The following ATP6AP2 variants were observed in gnomAD, a reference collection of about 807,000 sequenced individuals.
ATP6AP2 encodes ATPase H+ transporting accessory protein 2, also known as renin receptor.
A neutral mutation model predicts 23.4 loss-of-function variants in ATP6AP2; 1 was observed. The observed-to-expected ratio is 0.04, with a 90% CI of 0.02 to 0.20. ATP6AP2 has a LOEUF of 0.20. Ranked by LOEUF, ATP6AP2 falls within the 10% of genes least tolerant of loss-of-function variation. The pLI is 1.00. For synonymous variants in ATP6AP2, 90 were observed against 97.1 expected, an observed-to-expected ratio of 0.93 and a Z score of 0.43; for missense variants, 174 against 271.3, an observed-to-expected ratio of 0.64 and a Z score of 2.52.
At position 40,605,804 on chromosome X, in the gene ATP6AP2, T is replaced by G; in HGVS notation, c.*49T>G. 9.6e-7 allele frequency: 1 copy of G among 1,044,125 alleles called. No individual in the cohort carries two copies. Among genetic ancestry groups the G allele is most frequent in the African/African-American group, 1.8e-5 (1 of 54,391 alleles). The allele number at this position is 1,044,125 out of a possible 1,213,427, so 86.0% of individuals were successfully genotyped here. ...AAAGGGGGTTGGAAATTGGCTGTTTTGTTAAAATATATCTTTTAGTGTGCT... is the reference window on the plus strand; with the variant it reads ...AAAGGGGGTTGGAAATTGGCTGTTTGGTTAAAATATATCTTTTAGTGTGCT... On this transcript the variant is annotated 3_prime_UTR_variant, in exon 9 of 9. Transcript: ENST00000636580.
At chrX:40,600,547 T>G (rs920691383) in intron 7 of ATP6AP2, 77 of 301,145 alleles carry the variant, frequency 2.6e-4, no homozygotes, top group Admixed American at 6.9e-4. Flanking sequence ...TTAAAAATAA[T>G]TTTAATAAGT....
intron 3 of ATP6AP2, among the ~76,000 whole-genome samples, chrX:40,594,392 A>G (rs770765543): frequency 8.9e-6 from 1 of 112,647 alleles, no homozygotes; most frequent in Non-Finnish European, 1.9e-5. Flanking sequence ...AGACACTGTC[A>G]TTACAAAGGA....
At chrX:40,597,699 A>G (rs1926808319) in intron 5 of ATP6AP2, 35 bp downstream of exon 5, 1 of 1,161,750 alleles carries the variant, frequency 8.6e-7, no homozygotes, top group African/African-American at 1.8e-5. Flanking sequence ...CATGAATATC[A>G]TTAATTTCCG....
At chrX:40,599,765 G>A in intron 7 of ATP6AP2, 24 bp downstream of exon 7, 2 of 1,207,992 alleles carry the variant, frequency 1.7e-6, no homozygotes, top group Non-Finnish European at 2.2e-6. Flanking sequence ...CGACATGAGA[G>A]GTTGGAGTAT....
intron 7 of ATP6AP2, 191 bp from the exon 8 acceptor site, chrX:40,600,571 A>G (rs1436938781): frequency 2.7e-6 from 1 of 372,351 alleles, no homozygotes; most frequent in East Asian, 4.8e-5. Context: ...TATTTGACTC[A>G]CTGCATAAAA....
chrX:40,601,767 C>G (rs1926912476), intron 8 of ATP6AP2, among the ~76,000 whole-genome samples: 1 of 111,755 alleles, frequency 8.9e-6, no homozygotes, highest in Non-Finnish European at 1.9e-5. Context: ...TCACCCTGCT[C>G]AGTTTTACTG....
In ATP6AP2 at chrX:40,593,379, C is replaced by T. The variant is rs1043295981; in HGVS notation, c.300+2014C>T. Reference sequence around the variant, plus strand: ...CAAGTGAGGTCATGTAGTATTTGTCCTTCTATGCCTGGCTTACTTCACTTA... The same window carrying T: ...CAAGTGAGGTCATGTAGTATTTGTCTTTCTATGCCTGGCTTACTTCACTTA... On this transcript the variant is annotated intron_variant, in intron 3 of 8. Transcript: ENST00000636580. Among the ~76,000 whole-genome samples, 3 of 112,121 alleles carry T rather than the reference C, an allele frequency of 2.7e-5. No homozygotes were observed. The East Asian group carries it at 8.3e-4, about 31-fold the overall frequency.
chrX:40,587,468 C>A (rs1364201532), intron 1 of ATP6AP2, among the ~76,000 whole-genome samples: 1 of 111,712 alleles, frequency 9.0e-6, no homozygotes. Context: ...ACAGCTGTGC[C>A]GGATTGAAAT....
chrX:40,598,296 A>G (rs936947602), intron 5 of ATP6AP2: 1 of 190,438 alleles, frequency 5.3e-6, no homozygotes, highest in Non-Finnish European at 9.6e-6. Flanking sequence ...GACCAGGGCC[A>G]TCATCCTTTA....
Position 40,605,698 on chromosome X carries a change from T to C in ATP6AP2, c.996T>C (p.Asp332=), listed in dbSNP as rs369666356. The C allele has an allele frequency of 8.3e-7, 1 of 1,209,593 alleles. No individual in the cohort carries two copies. The highest frequency in any genetic ancestry group is 3.0e-5 in the East Asian group (1 of 33,850). Residue 332 remains aspartate, a synonymous_variant, in exon 9 of 9, where the codon GAT becomes GAC. Transcript: ENST00000636580. ...CCTCTTACAATATTTGGAACATGGATCCTGGATATGATAGCATCATTTATA... is the reference window on the plus strand; with the variant it reads ...CCTCTTACAATATTTGGAACATGGACCCTGGATATGATAGCATCATTTATA... ...IITSYNIWNM[D]PGYDSIIYRM...
At chrX:40,593,334 A>G (rs768986865) in intron 3 of ATP6AP2, among the ~76,000 whole-genome samples, 1 of 110,210 alleles carries the variant, frequency 9.1e-6, no homozygotes, top group African/African-American at 3.3e-5. Context: ...ATTCTACTCT[A>G]CTTCTATGAG....
chrX:40,593,909 G>A (rs1042600435), intron 3 of ATP6AP2, among the ~76,000 whole-genome samples: 3 of 111,713 alleles, frequency 2.7e-5, no homozygotes, highest in Non-Finnish European at 5.6e-5. Context: ...GTGAACATGG[G>A]AGTGCAGATA....
At chrX:40,600,052 G>T (rs1432848662) in intron 7 of ATP6AP2, 1 of 262,563 alleles carries the variant, frequency 3.8e-6, no homozygotes, top group Non-Finnish European at 6.9e-6. Context: ...GTGGTATTAA[G>T]TGCAAGTACG....
At chrX:40,587,921 A>G (rs769348584) in intron 1 of ATP6AP2, among the ~76,000 whole-genome samples, 35 of 112,998 alleles carry the variant, frequency 3.1e-4, no homozygotes, top group African/African-American at 1.1e-3. Flanking sequence ...TAAACAACCA[A>G]TCGTGTTCAC....
intron 1 of ATP6AP2, among the ~76,000 whole-genome samples, chrX:40,581,373 G>C (rs1199132261): frequency 3.5e-5 from 4 of 113,284 alleles, no homozygotes; most frequent in Non-Finnish European, 7.5e-5. Context: ...GCGTCCGGCC[G>C]GCTTCTTGCG....
chrX:40,602,840 G>A (rs1372168838), intron 8 of ATP6AP2, among the ~76,000 whole-genome samples: 7 of 105,537 alleles, frequency 6.6e-5, no homozygotes, highest in Non-Finnish European at 1.4e-4. Flanking sequence ...CACCAGCACA[G>A]GGAAACAGAA....
intron 2 of ATP6AP2, 173 bp downstream of exon 2, chrX:40,589,289 C>A: frequency 1.8e-6 from 1 of 546,552 alleles, no homozygotes; most frequent in South Asian, 3.4e-5. Flanking sequence ...TCCCGGCACT[C>A]TGGGAGGCCG....
At chrX:40,583,765 A>G (rs1339633610) in intron 1 of ATP6AP2, among the ~76,000 whole-genome samples, 1 of 112,048 alleles carries the variant, frequency 8.9e-6, no homozygotes, top group African/African-American at 3.3e-5. Flanking sequence ...GAGATAAGAA[A>G]AAAAGATGAA....
chrX:40,599,024 A>G (rs1926840242), intron 6 of ATP6AP2: 2 of 341,687 alleles, frequency 5.9e-6, no homozygotes, highest in South Asian at 4.4e-5. Flanking sequence ...TTCTTGTGAG[A>G]CTTAATTCCT....
Sources: gnomAD v4.1 joint callset for allele counts (sites outside exome capture counted in the v4.1 genomes callset) on GRCh38, gnomAD v4.1.1 for gene constraint, MANE v1.5 for transcripts, NCBI Gene and HGNC (gene_info 2026-07-23, HGNC 2026-07-21) for gene names.